Variants in EIF3F observed in about 807,000 individuals in gnomAD.
EIF3F encodes the protein deubiquitinating enzyme eIF3f.
Under a neutral mutation model 36.0 loss-of-function variants are expected in EIF3F, and 8 were observed. The ratio of observed to expected loss-of-function variants is 0.22; its 90% confidence interval spans 0.13 to 0.40. EIF3F has a LOEUF of 0.40. Among genes scored for constraint, EIF3F ranks in the 10% least tolerant of loss-of-function variants. The pLI is 1.00. For missense variants in EIF3F, 430 were observed against 467.6 expected, an observed-to-expected ratio of 0.92 and a Z score of 0.74; for synonymous variants, 184 against 188.5, an observed-to-expected ratio of 0.98 and a Z score of 0.19.
At chr11:7,990,652 G>T (rs981172125) in intron 1 of EIF3F, among the ~76,000 whole-genome samples, 2 of 152,126 alleles carry the variant, frequency 1.3e-5, no homozygotes, top group African/African-American at 4.8e-5. Context: ...TAAGATAAAG[G>T]ATATATGTGC....
In EIF3F at chr11:7,987,406, C is replaced by T. The variant is rs751151154; in HGVS notation, c.54C>T (p.Val18=). ...VSAPPATPTP[V]PAAAPASVPA... ...CTCCTCCGGCCACGCCAACCCCAGT[C>T]CCGGCGGCGGCCCCAGCCTCAGTTC... Residue 18 remains valine (V), a synonymous_variant, in exon 1 of 8, where the codon GTC becomes GTT. Coordinates refer to ENST00000651655, the MANE Select transcript of EIF3F (RefSeq NM_003754.3). The T allele has an allele frequency of 7.5e-6, 12 of 1,600,880 alleles. No homozygotes were observed. In the South Asian group the frequency reaches 1.2e-4, roughly 16 times the overall value.
rs573609056 is a variant in EIF3F, at chr11:7,992,207, C to T, written c.515+44C>T. 14 of 1,511,448 alleles carry T rather than the reference C, an allele frequency of 9.3e-6. No individual in the cohort carries two copies. In the African/African-American group the frequency reaches 1.1e-4, roughly 12 times the overall value. 93.6% of individuals were successfully genotyped at this position (1,511,448 alleles called of 1,614,324 possible). On this transcript the variant is annotated intron_variant, in intron 3 of 7. Transcript: ENST00000651655. ...GGCTGGGGTTAATGGAAGGTCTCTTCGTGATTGCCGGTGTCTTTTGCTACT... is the reference window on the plus strand; with the variant it reads ...GGCTGGGGTTAATGGAAGGTCTCTTTGTGATTGCCGGTGTCTTTTGCTACT...
At chr11:7,995,681 C>G in intron 7 of EIF3F, 1 of 586,688 alleles carries the variant, frequency 1.7e-6, no homozygotes, top group Non-Finnish European at 3.0e-6. Flanking sequence ...TTTCCCCCAT[C>G]TGAGTTCACA....
At chr11:7,993,148 C>A in intron 4 of EIF3F, 124 bp downstream of exon 4, 1 of 1,101,246 alleles carries the variant, frequency 9.1e-7, no homozygotes, top group Middle Eastern at 2.1e-4. Flanking sequence ...CTGTTCCTCT[C>A]TCTCAACAGT....
At position 7,994,490 on chromosome 11, in the gene EIF3F, G is replaced by C; in HGVS notation, c.718G>C (p.Ala240Pro). ...VMFTPLTVKY[A>P]YYDTERIGVD... ...GTTCACGCCTCTGACAGTGAAATAC[G>C]CGTACTACGACACTGAACGCATCGG... Residue 240 changes from alanine to proline, a missense_variant, in exon 5 of 8, where the codon GCG becomes CCG. Coordinates refer to ENST00000651655, the MANE Select transcript of EIF3F (RefSeq NM_003754.3). 1.2e-6 allele frequency: 2 copies of C among 1,613,988 alleles called. No individual in the cohort carries two copies. Among genetic ancestry groups the C allele is most frequent in the Non-Finnish European group, 1.7e-6 (2 of 1,179,980 alleles).
chr11:7,988,701 G>A (rs1040661430), intron 1 of EIF3F, among the ~76,000 whole-genome samples: 9 of 152,170 alleles, frequency 5.9e-5, no homozygotes, highest in African/African-American at 1.4e-4. Flanking sequence ...AAGACAGTTG[G>A]TATATTGCAA....
rs1377489068 is a variant in EIF3F at position 8,001,682 on chromosome 11, T to C, written c.*5660T>C. The C allele has an allele frequency of 1.3e-5, 2 of 152,150 alleles. No individual in the cohort carries two copies. Among genetic ancestry groups the C allele is most frequent in the Non-Finnish European group, 2.9e-5 (2 of 68,044 alleles). The allele number at this position is 152,150 out of a possible 1,614,324, so 9.4% of individuals were successfully genotyped here. On this transcript the variant is annotated 3_prime_UTR_variant, in exon 8 of 8. Transcript: ENST00000651655. ...AAATAATATAAATACCTAGAATATT[T>C]GTGAAGGTACAGCCAAGAAACTACT...
chr11:7,992,874 T>C lies in EIF3F; in HGVS notation c.516-13T>C. 1 of 1,613,908 alleles carries C rather than the reference T, an allele frequency of 6.2e-7. No individual in the cohort carries two copies. Among genetic ancestry groups the C allele is most frequent in the Non-Finnish European group, 8.5e-7 (1 of 1,179,994 alleles). On this transcript the variant is annotated splice_polypyrimidine_tract_variant and intron_variant, in intron 3 of 7. Transcript: ENST00000651655. ...ATATAGACAGGAGTCCACCACTGTGTTCCATTTCACAGGTACGCTACGGGC... is the reference window on the plus strand; with the variant it reads ...ATATAGACAGGAGTCCACCACTGTGCTCCATTTCACAGGTACGCTACGGGC...
At position 7,992,811 on chromosome 11, in the gene EIF3F, G is replaced by C. The variant is rs1315698001; in HGVS notation, c.516-76G>C. 3.7e-6 allele frequency: 6 copies of C among 1,602,172 alleles called. No homozygotes were observed. In the Admixed American group the frequency reaches 1.0e-4, roughly 27 times the overall value. On this transcript the variant is annotated intron_variant, in intron 3 of 7. Transcript: ENST00000651655. ...CCGTAGAAGTGTCCGGTACCCTGAA[G>C]ACACCCATGCCACTGTTGTGTTTGA...
In EIF3F at chr11:7,987,449, C is replaced by T. The variant is rs1942036217; in HGVS notation, c.97C>T (p.Pro33Ser). The change falls in exon 1 of 8, where the codon CCG becomes TCG. Residue 33 changes from proline (P) to serine (S), a missense_variant. Pro to Ser is a moderately conservative substitution (Grantham distance 74). Transcript: ENST00000651655. ...CTCAGTTCCAGCGCCAACGCCAGCACCGGCTGCGGCTCCGGTTCCCGCTGC... is the reference window on the plus strand; with the variant it reads ...CTCAGTTCCAGCGCCAACGCCAGCATCGGCTGCGGCTCCGGTTCCCGCTGC... ...PASVPAPTPA[P>S]AAAPVPAAAP... is the part of the protein sequence containing the mutation. 2.5e-6 allele frequency: 4 copies of T among 1,603,440 alleles called. No homozygotes were observed. In the African/African-American group the frequency reaches 5.3e-5, roughly 21 times the overall value.
In EIF3F at chr11:7,992,161, C is replaced by T. The variant is rs146954555; in HGVS notation, c.513C>T (p.Gly171=). 2.8e-5 allele frequency: 45 copies of T among 1,611,298 alleles called. 1 individual carries two copies. The highest frequency in any genetic ancestry group is 3.7e-5 in the Non-Finnish European group (44 of 1,179,650). Reference sequence around the variant, plus strand: ...TTTCTCCAAATGAGCTCATCCTGGGCTGGTAAGTTGGGGAGGTGGGGGCTG... The same window carrying T: ...TTTCTCCAAATGAGCTCATCCTGGGTTGGTAAGTTGGGGAGGTGGGGGCTG... ...KKVSPNELIL[G]WYATGHDITE... Residue 171 remains glycine, a splice_region_variant and synonymous_variant, in exon 3 of 8, where the codon GGC becomes GGT. Coordinates refer to ENST00000651655, the MANE Select transcript of EIF3F (RefSeq NM_003754.3).
At chr11:7,995,698 C>G (rs576957704) in intron 7 of EIF3F, 2 of 596,074 alleles carry the variant, frequency 3.4e-6, no homozygotes, top group Admixed American at 5.9e-5. Flanking sequence ...CACAGACCCC[C>G]TATATTCCAT....
chr11:7,996,197 G>T lies in EIF3F; in HGVS notation c.*175G>T, dbSNP rs7929026. The T allele has an allele frequency of 0.034, 19,790 of 574,996 alleles. 737 individuals are homozygous for T. The highest frequency in any genetic ancestry group is 0.14 in the African/African-American group (7,623 of 53,408). 35.6% of individuals were successfully genotyped at this position (574,996 alleles called of 1,614,324 possible). ...TTTCATCTTATGTGAGTTTATTGCC[G>T]GGTGGAAGGGAGGAAAATGTTTTAG... is the stretch of plus-strand genomic sequence containing the variant. On this transcript the variant is annotated 3_prime_UTR_variant, in exon 8 of 8. Transcript: ENST00000651655.
At chr11:7,987,871 C>T (rs1942046213) in intron 1 of EIF3F, 155 bp downstream of exon 1, 5 of 1,183,390 alleles carry the variant, frequency 4.2e-6, no homozygotes, top group Non-Finnish European at 5.5e-6. Flanking sequence ...CTACCTTTTG[C>T]TGTGACTTAT....
rs1001802721 is a variant in EIF3F at position 7,999,867 on chromosome 11, T to G, written c.*3845T>G. 11 of 152,246 alleles carry G rather than the reference T, an allele frequency of 7.2e-5. No homozygotes were observed. Among genetic ancestry groups the G allele is most frequent in the Non-Finnish European group, 1.5e-4 (10 of 68,060 alleles). The allele number at this position is 152,246 out of a possible 1,614,324, so 9.4% of individuals were successfully genotyped here. A position where few individuals can be genotyped will look rare whatever the true frequency, so the allele number is the denominator to read the frequency against. ...AGATACTTCCACGTTCACTGAAGCA[T>G]TGTTCACAATCGCCAAGACATCAAC... On this transcript the variant is annotated 3_prime_UTR_variant, in exon 8 of 8. Coordinates refer to ENST00000651655, the MANE Select transcript of EIF3F (RefSeq NM_003754.3).
intron 1 of EIF3F, among the ~76,000 whole-genome samples, chr11:7,991,484 G>A (rs972936158): frequency 6.6e-6 from 1 of 152,092 alleles, no homozygotes; most frequent in Non-Finnish European, 1.5e-5. Flanking sequence ...AAAAAAGGCC[G>A]TAGAGTGAAG....
chr11:8,000,796 G>A lies in EIF3F; in HGVS notation c.*4774G>A, dbSNP rs1001328381. On this transcript the variant is annotated 3_prime_UTR_variant, in exon 8 of 8. Transcript: ENST00000651655. ...CCTGCACCAAAATAAGTTGCTCATG[G>A]AATAAAAACTTGTCTGAAAAAAAAA... 4 of 151,508 alleles carry A rather than the reference G, an allele frequency of 2.6e-5. No individual in the cohort carries two copies. The highest frequency in any genetic ancestry group is 9.7e-5 in the African/African-American group (4 of 41,132). The allele number at this position is 151,508 out of a possible 1,614,324, so 9.4% of individuals were successfully genotyped here.
intron 1 of EIF3F, among the ~76,000 whole-genome samples, chr11:7,990,234 G>A (rs138209287): frequency 2.8e-4 from 42 of 152,300 alleles, no homozygotes; most frequent in Middle Eastern, 3.4e-3. Context: ...AGTATGTCAG[G>A]TTAGGAATTA....
In EIF3F at chr11:7,999,879, G is replaced by C. The variant is rs887947790; in HGVS notation, c.*3857G>C. 1 of 152,166 alleles carries C rather than the reference G, an allele frequency of 6.6e-6. No homozygotes were observed. The highest frequency in any genetic ancestry group is 1.5e-5 in the Non-Finnish European group (1 of 68,048). 9.4% of individuals were successfully genotyped at this position (152,166 alleles called of 1,614,324 possible). A position where few individuals can be genotyped will look rare whatever the true frequency, so the allele number is the denominator to read the frequency against. On this transcript the variant is annotated 3_prime_UTR_variant, in exon 8 of 8. Coordinates refer to ENST00000651655, the MANE Select transcript of EIF3F (RefSeq NM_003754.3). ...GTTCACTGAAGCATTGTTCACAATC[G>C]CCAAGACATCAACCTAAGTGTCCAT...
Sources: allele counts gnomAD v4.1 joint callset (sites outside exome capture counted in the v4.1 genomes callset), GRCh38; gene constraint gnomAD v4.1.1; transcripts MANE v1.5; gene names NCBI Gene and HGNC (gene_info 2026-07-23, HGNC 2026-07-21).